The following TGFBR2 variants were observed in gnomAD, a reference collection of about 807,000 sequenced individuals.
TGFBR2 encodes TGF-beta receptor type-2.
TGFBR2 carries 18 observed loss-of-function variants against 49.0 expected under a neutral mutation model. The ratio of observed to expected loss-of-function variants is 0.37; its 90% CI spans 0.25 to 0.54. The LOEUF (loss-of-function observed/expected upper bound fraction) is 0.54, where lower values mean the gene tolerates loss of function less well. Ranked by LOEUF, TGFBR2 falls within the 20% of genes least tolerant of loss-of-function variation. The pLI, the probability that TGFBR2 is intolerant of heterozygous loss-of-function variation, is 0.85. For missense variants in TGFBR2, 525 were observed against 722.6 expected, an observed-to-expected ratio of 0.73 and a Z score of 3.13; for synonymous variants, 282 against 275.9, an observed-to-expected ratio of 1.02 and a Z score of -0.22.
chr3:30,644,733 TTCTC>T lies in TGFBR2; in HGVS notation c.95-9_95-6del. The T allele has an allele frequency of 6.2e-7, 1 of 1,613,452 alleles. No individual in the cohort carries two copies. Among genetic ancestry groups the T allele is most frequent in the Non-Finnish European group, 8.5e-7 (1 of 1,179,538 alleles). On this transcript the variant is annotated splice_polypyrimidine_tract_variant and intron_variant, in intron 1 of 6. Coordinates refer to ENST00000295754, the MANE Select transcript of TGFBR2 (RefSeq NM_003242.6). ...AGTTGGATAATCATTTAATATATCTTTCTCTCTCCTCAGTTAATAACGACATGAT... is the reference window on the plus strand; with the variant it reads ...AGTTGGATAATCATTTAATATATCTTTCTCCTCAGTTAATAACGACATGAT...
chr3:30,636,853 A>G (rs966757280), intron 1 of TGFBR2, among the ~76,000 whole-genome samples: 3 of 152,020 alleles, frequency 2.0e-5, no homozygotes, highest in Admixed American at 2.0e-4. Flanking sequence ...TCACGAGGTC[A>G]GGAGATCGAG....
At chr3:30,626,054 A>G (rs1471898582) in intron 1 of TGFBR2, among the ~76,000 whole-genome samples, 11 of 152,200 alleles carry the variant, frequency 7.2e-5, no homozygotes. Flanking sequence ...GTTCTGACTC[A>G]TTGCCCTGGG....
At chr3:30,631,849 C>T (rs968812713) in intron 1 of TGFBR2, among the ~76,000 whole-genome samples, 1 of 152,026 alleles carries the variant, frequency 6.6e-6, no homozygotes, top group Non-Finnish European at 1.5e-5. Context: ...TGCCCTTGAA[C>T]TCAAAGCCCC....
intron 2 of TGFBR2, among the ~76,000 whole-genome samples, chr3:30,645,301 A>C (rs1490161919): frequency 6.6e-6 from 1 of 152,070 alleles, no homozygotes; most frequent in Non-Finnish European, 1.5e-5. Context: ...TCTTGAGGCA[A>C]TCTCAGGTCT....
At chr3:30,689,037 A>G (rs1200300763) in intron 6 of TGFBR2, among the ~76,000 whole-genome samples, 2 of 152,224 alleles carry the variant, frequency 1.3e-5, no homozygotes, top group Non-Finnish European at 2.9e-5. Flanking sequence ...CGCGTGGGAA[A>G]GAGGAGACCG....
At chr3:30,633,425 A>G (rs541342569) in intron 1 of TGFBR2, among the ~76,000 whole-genome samples, 1 of 152,330 alleles carries the variant, frequency 6.6e-6, no homozygotes, top group South Asian at 2.1e-4. Context: ...CACATTAGAG[A>G]ATTACATGCA....
At chr3:30,673,323 C>A (rs575202549) in intron 4 of TGFBR2, among the ~76,000 whole-genome samples, 1 of 152,290 alleles carries the variant, frequency 6.6e-6, no homozygotes, top group Admixed American at 6.5e-5. Flanking sequence ...ACTCACTTGG[C>A]TTCCCTAGAT....
At position 30,688,467 on chromosome 3, in the gene TGFBR2, G is replaced by A; in HGVS notation, c.1480G>A (p.Asp494Asn). 6.2e-7 allele frequency: 1 copy of A among 1,614,232 alleles called. No individual in the cohort carries two copies. The highest frequency in any genetic ancestry group is 8.5e-7 in the Non-Finnish European group (1 of 1,180,034). ...VESMKDNVLRDRGRPEIPSFW... is the reference protein window; with the variant it reads ...VESMKDNVLRNRGRPEIPSFW... ...AAGCATGAAGGACAACGTGTTGAGA[G>A]ATCGAGGGCGACCAGAAATTCCCAG... The change falls in exon 6 of 7, where the codon GAT (aspartate) becomes AAT (asparagine). Residue 494 changes from aspartate to asparagine, a missense_variant. Around this residue, in one of 3 missense-constraint regions of TGFBR2, gnomAD observed 104 missense variants for 133.4 expected, o/e 0.78. Coordinates refer to ENST00000295754, the MANE Select transcript of TGFBR2 (RefSeq NM_003242.6).
intron 1 of TGFBR2, among the ~76,000 whole-genome samples, chr3:30,636,438 TC>T (rs2125397039): frequency 6.6e-6 from 1 of 152,274 alleles, no homozygotes; most frequent in South Asian, 2.1e-4. Flanking sequence ...TTTCTCCACT[TC>T]TGATCCTGGT....
intron 3 of TGFBR2, among the ~76,000 whole-genome samples, chr3:30,658,236 T>A (rs924689896): frequency 6.6e-6 from 1 of 152,138 alleles, no homozygotes; most frequent in African/African-American, 2.4e-5. Context: ...AAGCTTAGAG[T>A]CAAATCTGAA....
In TGFBR2 at chr3:30,657,798, A is replaced by G. The variant is rs183586163; in HGVS notation, c.454+7338A>G. On this transcript the variant is annotated intron_variant, in intron 3 of 6. Transcript: ENST00000295754. ...GAGTCCTATTGAGGTGCTCCCCATT[A>G]TAAGGAGTCCTGTGAATCAAAGTGG... is the stretch of plus-strand genomic sequence containing the variant. 1.8e-3 allele frequency among the ~76,000 whole-genome samples: 274 copies of G among 152,306 alleles called. 1 individual carries two copies. The highest frequency in any genetic ancestry group is 6.2e-3 in the African/African-American group (258 of 41,572).
At chr3:30,682,902 A>G (rs1267065312) in intron 5 of TGFBR2, among the ~76,000 whole-genome samples, 3 of 152,232 alleles carry the variant, frequency 2.0e-5, no homozygotes, top group Admixed American at 1.3e-4. Context: ...TGGGAAGGGC[A>G]TGTTCATACC....
rs777472799 is a variant in TGFBR2 at position 30,650,311 on chromosome 3, A to C, written c.305A>C (p.His102Pro). 6.2e-7 allele frequency: 1 copy of C among 1,614,032 alleles called. No individual in the cohort carries two copies. The highest frequency in any genetic ancestry group is 8.5e-7 in the Non-Finnish European group (1 of 1,179,966). ...DENITLETVCHDPKLPYHDFI... is the reference protein window; with the variant it reads ...DENITLETVCPDPKLPYHDFI... ...AACATAACACTAGAGACAGTTTGCCATGACCCCAAGCTCCCCTACCATGAC... is the reference window on the plus strand; with the variant it reads ...AACATAACACTAGAGACAGTTTGCCCTGACCCCAAGCTCCCCTACCATGAC... The change falls in exon 3 of 7, where the codon CAT becomes CCT. Residue 102 changes from histidine to proline, a missense_variant. Physicochemically the swap from His to Pro is moderately conservative, Grantham distance 77. Transcript: ENST00000295754.
chr3:30,651,562 T>G (rs1174019730), intron 3 of TGFBR2, among the ~76,000 whole-genome samples: 2 of 152,246 alleles, frequency 1.3e-5, no homozygotes, highest in Non-Finnish European at 2.9e-5. Context: ...TCTTTTAATT[T>G]AGTCTCGAAT....
chr3:30,629,312 A>G (rs181963037), intron 1 of TGFBR2, among the ~76,000 whole-genome samples: 27 of 152,312 alleles, frequency 1.8e-4, no homozygotes, highest in African/African-American at 6.3e-4. Flanking sequence ...TATCTAGATT[A>G]TGCCCTTGAC....
chr3:30,661,686 C>A (rs746436619), intron 3 of TGFBR2: 1 of 435,536 alleles, frequency 2.3e-6, no homozygotes, highest in Non-Finnish European at 4.6e-6. Context: ...CTGAAAGAAT[C>A]AAAACAAAAC....
rs1699362082 is a variant in TGFBR2 at position 30,672,480 on chromosome 3, G to A, written c.1254+43G>A. ...CTAGATCCCCTTTACCTTGAGCCTG[G>A]CCTCACCCTACCTCTTGATCCATAT... is the stretch of plus-strand genomic sequence containing the variant. On this transcript the variant is annotated intron_variant, in intron 4 of 6. Coordinates refer to ENST00000295754, the MANE Select transcript of TGFBR2 (RefSeq NM_003242.6). This position sits in a 1 kb window ranked among gnomAD's most constrained non-coding sequence, Gnocchi z 4.5. 1 of 1,595,900 alleles carries A rather than the reference G, an allele frequency of 6.3e-7. No individual in the cohort carries two copies. The highest frequency in any genetic ancestry group is 8.6e-7 in the Non-Finnish European group (1 of 1,163,774).
Position 30,672,380 on chromosome 3 carries a change from G to A in TGFBR2, c.1197G>A (p.Gly399=), listed in dbSNP as rs2125436861. 1 of 1,614,182 alleles carries A rather than the reference G, an allele frequency of 6.2e-7. No homozygotes were observed. Among genetic ancestry groups the A allele is most frequent in the Non-Finnish European group, 8.5e-7 (1 of 1,180,020 alleles). The change falls in exon 4 of 7, where the codon GGG becomes GGA. Residue 399 remains glycine, a synonymous_variant. Coordinates refer to ENST00000295754, the MANE Select transcript of TGFBR2 (RefSeq NM_003242.6). The surrounding 1 kb of genome is among the most constrained non-coding windows in gnomAD (Gnocchi z 4.5). ...TAACCTGCTGCCTGTGTGACTTTGG[G>A]CTTTCCCTGCGTCTGGACCCTACTC... ...NDLTCCLCDF[G]LSLRLDPTLS...
chr3:30,633,825 G>A (rs941682667), intron 1 of TGFBR2, among the ~76,000 whole-genome samples: 10 of 152,188 alleles, frequency 6.6e-5, no homozygotes, highest in Admixed American at 5.2e-4. Flanking sequence ...GAACACATCT[G>A]TGCTCTGTGT....
Sources: allele counts gnomAD v4.1 joint callset (sites outside exome capture counted in the v4.1 genomes callset), GRCh38; gene constraint gnomAD v4.1.1; regional missense constraint gnomAD v4.1.1; non-coding constraint Gnocchi (gnomAD v3.1); transcripts MANE v1.5; gene names NCBI Gene and HGNC (gene_info 2026-07-23, HGNC 2026-07-21).